CLOCK: variants seen among roughly 807,000 people sequenced by gnomAD.
CLOCK encodes the protein circadian locomoter output cycles protein kaput.
CLOCK carries 43 observed loss-of-function variants against 118.4 expected under a neutral mutation model. The ratio of observed to expected loss-of-function variants is 0.36; its 90% CI spans 0.28 to 0.47. The LOEUF is 0.47. CLOCK is among the 20% of genes least tolerant of loss of function. The probability of loss-of-function intolerance (pLI) is 1.00; values close to 1 mark genes in which losing one functional copy is unlikely to be tolerated. For missense variants in CLOCK, 846 were observed against 999.9 expected (o/e 0.85, Z 2.08); for synonymous variants, 326 against 339.2 (o/e 0.96, Z 0.43).
In CLOCK at chr4:55,450,240, G is replaced by T. The variant is rs972400790; in HGVS notation, c.1207-8C>A. On this transcript the variant is annotated splice_region_variant and splice_polypyrimidine_tract_variant and intron_variant, in intron 15 of 22. Coordinates refer to ENST00000513440, the MANE Select transcript of CLOCK (RefSeq NM_004898.4). ...TGACCCAGAATCTTGGCTCTATGGA[G>T]ACAGAGTAAAATAAATGTTTTCTTG... 6.8e-6 allele frequency: 11 copies of T among 1,613,728 alleles called. No homozygotes were observed. The highest frequency in any genetic ancestry group is 3.3e-4 in the Middle Eastern group (2 of 6,072).
intron 15 of CLOCK, 117 bp downstream of exon 15, chr4:55,452,937 C>T (rs1451456744): frequency 4.1e-6 from 3 of 738,836 alleles, no homozygotes; most frequent in African/African-American, 1.8e-5. Context: ...AATCACATCC[C>T]CGTTATAAGT....
At position 55,428,765 on chromosome 4, in the gene CLOCK, T is replaced by C. The variant is rs755968914; in HGVS notation, c.*6650A>G. On this transcript the variant is annotated 3_prime_UTR_variant, in exon 23 of 23. Coordinates refer to ENST00000513440, the MANE Select transcript of CLOCK (RefSeq NM_004898.4). ...AACAACTACCAACTGATGTTAACAA[T>C]GAAAAATTTACAAAGGTAAAACTTT... 8 of 151,036 alleles carry C rather than the reference T, an allele frequency of 5.3e-5. No individual in the cohort carries two copies. Among genetic ancestry groups the C allele is most frequent in the Admixed American group, 2.0e-4 (3 of 15,164 alleles). 9.4% of individuals were successfully genotyped at this position (151,036 alleles called of 1,614,324 possible). A position where few individuals can be genotyped will look rare whatever the true frequency, so the allele number is the denominator to read the frequency against.
intron 1 of CLOCK, among the ~76,000 whole-genome samples, chr4:55,520,052 A>C (rs1272149756): frequency 2.0e-5 from 3 of 152,144 alleles, no homozygotes; most frequent in African/African-American, 7.2e-5. Flanking sequence ...CAGTTGTATC[A>C]CCTTAATAAT....
intron 1 of CLOCK, among the ~76,000 whole-genome samples, chr4:55,516,082 T>C (rs1335062707): frequency 1.3e-5 from 2 of 152,346 alleles, no homozygotes; most frequent in East Asian, 3.9e-4. Context: ...CTGATTTCTA[T>C]TCTTTTAAAT....
At chr4:55,517,685 A>G (rs933234134) in intron 1 of CLOCK, among the ~76,000 whole-genome samples, 1 of 152,094 alleles carries the variant, frequency 6.6e-6, no homozygotes, top group African/African-American at 2.4e-5. Flanking sequence ...TGTTTTTTAG[A>G]AGAGACTATG....
intron 13 of CLOCK, among the ~76,000 whole-genome samples, chr4:55,455,111 A>C (rs1577711948): frequency 6.6e-6 from 1 of 152,326 alleles, no homozygotes; most frequent in East Asian, 1.9e-4. Flanking sequence ...CGTCATGAAA[A>C]GGTCTAAAAT....
At chr4:55,459,613 G>A (rs887340138) in intron 9 of CLOCK, among the ~76,000 whole-genome samples, 5 of 151,972 alleles carry the variant, frequency 3.3e-5, no homozygotes, top group East Asian at 1.9e-4. Context: ...TCTAGGACCC[G>A]GGCCACATCA....
chr4:55,458,869 G>A (rs1344763525), intron 11 of CLOCK, 23 bp downstream of exon 11: 1 of 1,536,462 alleles, frequency 6.5e-7, no homozygotes, highest in South Asian at 1.1e-5. Context: ...AATCCCCTTT[G>A]GGAAATAAAA....
intron 6 of CLOCK, 144 bp from the exon 7 acceptor site, chr4:55,476,198 A>G (rs1726499598): frequency 3.1e-6 from 2 of 646,392 alleles, no homozygotes; most frequent in Non-Finnish European, 5.6e-6. Context: ...CAAGAGGTCC[A>G]GGTTTTGGTA....
At chr4:55,462,301 T>C (rs56056791) in intron 9 of CLOCK, among the ~76,000 whole-genome samples, 37,465 of 152,150 alleles carry the variant, frequency 0.25, 4,946 homozygotes, top group South Asian at 0.37. Context: ...TCTTTCTTTT[T>C]TTTGAGACAG....
intron 1 of CLOCK, among the ~76,000 whole-genome samples, chr4:55,539,803 T>G (rs1257943513): frequency 6.6e-6 from 1 of 151,936 alleles, no homozygotes; most frequent in Non-Finnish European, 1.5e-5. Flanking sequence ...AATAATCACA[T>G]AGCAGAAAAA....
chr4:55,475,728 T>A (rs925942473), intron 7 of CLOCK, among the ~76,000 whole-genome samples: 1 of 152,174 alleles, frequency 6.6e-6, no homozygotes, highest in African/African-American at 2.4e-5. Context: ...TTTTTAGCAA[T>A]AAAGTATTTT....
chr4:55,483,278 T>C (rs1311036389), intron 3 of CLOCK, among the ~76,000 whole-genome samples: 1 of 152,036 alleles, frequency 6.6e-6, no homozygotes, highest in Non-Finnish European at 1.5e-5. Context: ...AAGATAGATA[T>C]CTAAATAATT....
intron 1 of CLOCK, among the ~76,000 whole-genome samples, chr4:55,511,363 T>C (rs536482503): frequency 6.6e-6 from 1 of 152,290 alleles, no homozygotes; most frequent in Admixed American, 6.5e-5. Flanking sequence ...ACAATACTTC[T>C]TGACACAATA....
rs946803890 is a variant in CLOCK, at chr4:55,428,478, A to T, written c.*6937T>A. ...CCTTCATGTGTGTATGCAATTCAGA[A>T]TTTCGGCAGAAGACAACAAATGGAA... is the stretch of plus-strand genomic sequence containing the variant. On this transcript the variant is annotated 3_prime_UTR_variant, in exon 23 of 23. Transcript: ENST00000513440. The T allele has an allele frequency of 1.3e-5, 2 of 152,242 alleles. No homozygotes were observed. Among genetic ancestry groups the T allele is most frequent in the African/African-American group, 4.8e-5 (2 of 41,466 alleles). The allele number at this position is 152,242 out of a possible 1,614,324, so 9.4% of individuals were successfully genotyped here. A position where few individuals can be genotyped will look rare whatever the true frequency, so the allele number is the denominator to read the frequency against.
chr4:55,491,874 G>A (rs1384804397), intron 2 of CLOCK, among the ~76,000 whole-genome samples: 15 of 152,092 alleles, frequency 9.9e-5, no homozygotes, highest in Non-Finnish European at 1.8e-4. Context: ...AAGAAAATCT[G>A]AGCAGACACA....
At chr4:55,485,163 C>T (rs1246382993) in intron 3 of CLOCK, among the ~76,000 whole-genome samples, 3 of 152,070 alleles carry the variant, frequency 2.0e-5, no homozygotes, top group African/African-American at 7.2e-5. Context: ...TGGGGTTTCA[C>T]CATATTGGTC....
At chr4:55,544,643 T>A (rs772970952) in intron 1 of CLOCK, among the ~76,000 whole-genome samples, 55 of 152,208 alleles carry the variant, frequency 3.6e-4, no homozygotes, top group Non-Finnish European at 7.4e-4. Flanking sequence ...CAAATCACCA[T>A]AAATTAGGCA....
chr4:55,541,733 G>T (rs558379986), intron 1 of CLOCK, among the ~76,000 whole-genome samples: 2 of 151,970 alleles, frequency 1.3e-5, no homozygotes, highest in East Asian at 1.9e-4. Flanking sequence ...TGATTAAAGA[G>T]GCTGTATTAT....
Sources: gnomAD v4.1 joint callset for allele counts (sites outside exome capture counted in the v4.1 genomes callset) on GRCh38, gnomAD v4.1.1 for gene constraint, MANE v1.5 for transcripts, NCBI Gene and HGNC (gene_info 2026-07-23, HGNC 2026-07-21) for gene names.